The following VSIG10 variants were observed in gnomAD, a reference collection of about 807,000 sequenced individuals.
VSIG10 encodes the protein V-set and immunoglobulin domain-containing protein 10.
In VSIG10, 48 loss-of-function variants were observed where a neutral mutation model predicts 58.7. That is an observed-to-expected ratio of 0.82 (90% CI 0.65 to 1.04). VSIG10 has a LOEUF of 1.04. VSIG10 is among the 50% of genes least tolerant of loss of function. The pLI is 0.00. For missense variants in VSIG10, 628 were observed against 670.0 expected (o/e 0.94, Z 0.69); for synonymous variants, 260 against 267.1 (o/e 0.97, Z 0.26).
chr12:118,071,333 A>G (rs9669300), intron 6 of VSIG10, 26 bp downstream of exon 6: 260,720 of 1,600,238 alleles, frequency 0.16, 22,340 homozygotes, highest in East Asian at 0.26. Context: ...CTGGAAGAGA[A>G]GCTAAAGGAC....
chr12:118,068,841 A>G (rs768143550), intron 7 of VSIG10, among the ~76,000 whole-genome samples: 1 of 152,150 alleles, frequency 6.6e-6, no homozygotes, highest in Non-Finnish European at 1.5e-5. Context: ...ATATTGTCCC[A>G]GGCATCTACC....
intron 2 of VSIG10, among the ~76,000 whole-genome samples, chr12:118,092,241 T>A (rs2033320890): frequency 6.6e-6 from 1 of 152,086 alleles, no homozygotes; most frequent in South Asian, 2.1e-4. Flanking sequence ...TTTTCTAAAC[T>A]TTTTGTAGAG....
intron 2 of VSIG10, among the ~76,000 whole-genome samples, chr12:118,087,695 G>A (rs373397764): frequency 1.8e-4 from 27 of 151,872 alleles, no homozygotes; most frequent in Middle Eastern, 3.4e-3. Context: ...AAAATTAGCC[G>A]AGTGTGGTGG....
chr12:118,068,631 T>C, intron 7 of VSIG10, 34 bp from the exon 8 acceptor site: 5 of 1,494,992 alleles, frequency 3.3e-6, no homozygotes, highest in Non-Finnish European at 4.5e-6. Flanking sequence ...ATCAAGAAGA[T>C]TTCTTATTTT....
chr12:118,099,349 G>T (rs2033563180), intron 1 of VSIG10, among the ~76,000 whole-genome samples: 1 of 152,014 alleles, frequency 6.6e-6, no homozygotes, highest in Non-Finnish European at 1.5e-5. Context: ...TGTTGCCCAG[G>T]CTGGTCTTTG....
chr12:118,078,709 A>G (rs1202242031), intron 4 of VSIG10, among the ~76,000 whole-genome samples: 1 of 151,838 alleles, frequency 6.6e-6, no homozygotes, highest in Non-Finnish European at 1.5e-5. Flanking sequence ...TAGGAGGCCG[A>G]GGCAGGTAGA....
At position 118,095,502 on chromosome 12, in the gene VSIG10, T is replaced by C. The variant is rs572753204; in HGVS notation, c.361+31A>G. 1.1e-5 allele frequency: 17 copies of C among 1,612,024 alleles called. 1 individual carries two copies. In the South Asian group the frequency reaches 1.9e-4, roughly 18 times the overall value. ...TCCTTTCCAAGGCTCCGAGCACCTC[T>C]CCAGCCCCGGTCCCTGCCAGCCCCA... is the stretch of plus-strand genomic sequence containing the variant. On this transcript the variant is annotated intron_variant, in intron 2 of 8. Coordinates refer to ENST00000359236, the MANE Select transcript of VSIG10 (RefSeq NM_019086.6).
chr12:118,071,753 A>G (rs1313895560), intron 5 of VSIG10, among the ~76,000 whole-genome samples: 2 of 152,248 alleles, frequency 1.3e-5, no homozygotes, highest in Non-Finnish European at 2.9e-5. Flanking sequence ...GAGTGTTGAG[A>G]GTTATCAATG....
intron 2 of VSIG10, among the ~76,000 whole-genome samples, chr12:118,086,846 C>T (rs1418226492): frequency 6.6e-6 from 1 of 152,162 alleles, no homozygotes; most frequent in African/African-American, 2.4e-5. Context: ...CTGCAAACTC[C>T]GCTTCCTGGG....
rs530386489 is a variant in VSIG10, at chr12:118,087,054, C to T, written c.362-4625G>A. 8.0e-5 allele frequency among the ~76,000 whole-genome samples: 12 copies of T among 150,850 alleles called. No homozygotes were observed. In the East Asian group the frequency reaches 2.0e-3, roughly 25 times the overall value. On this transcript the variant is annotated intron_variant, in intron 2 of 8. Transcript: ENST00000359236. ...CTGGGATTACAGGCGTGAGCCACCA[C>T]TCCCAGCCTAAATTTAAAAATTGAA...
intron 4 of VSIG10, 81 bp downstream of exon 4, chr12:118,079,265 C>T: frequency 6.5e-7 from 1 of 1,533,862 alleles, no homozygotes; most frequent in Non-Finnish European, 8.8e-7. Flanking sequence ...ATTTCTTCCT[C>T]AGAAGAACTC....
chr12:118,099,647 T>C (rs1474830634), intron 1 of VSIG10, among the ~76,000 whole-genome samples: 1 of 152,224 alleles, frequency 6.6e-6, no homozygotes, highest in East Asian at 1.9e-4. Context: ...GAATTAGTGG[T>C]GATGGCTGTA....
intron 3 of VSIG10, 53 bp downstream of exon 3, chr12:118,082,074 G>T: frequency 2.5e-5 from 34 of 1,380,908 alleles, no homozygotes; most frequent in Non-Finnish European, 3.0e-5. Flanking sequence ...CAGTTCATAA[G>T]TTCACAAAGG....
intron 4 of VSIG10, among the ~76,000 whole-genome samples, chr12:118,078,835 A>C (rs950828675): frequency 2.7e-5 from 4 of 149,472 alleles, no homozygotes; most frequent in African/African-American, 9.8e-5. Flanking sequence ...GCTACTCAAG[A>C]GGCTAAGGCA....
chr12:118,087,814 G>C (rs1488037312), intron 2 of VSIG10, among the ~76,000 whole-genome samples: 1 of 138,994 alleles, frequency 7.2e-6, no homozygotes, highest in Non-Finnish European at 1.5e-5. Flanking sequence ...CTCCAGCCTG[G>C]GTGACAGAGT....
At chr12:118,079,911 G>C (rs1490236061) in intron 3 of VSIG10, among the ~76,000 whole-genome samples, 3 of 152,170 alleles carry the variant, frequency 2.0e-5, no homozygotes, top group Admixed American at 1.3e-4. Context: ...TCGGCTCACT[G>C]TAACCTCGAC....
Position 118,083,070 on chromosome 12 carries a change from G to A in VSIG10, c.362-641C>T, listed in dbSNP as rs570496378. 1.2e-4 allele frequency among the ~76,000 whole-genome samples: 16 copies of A among 131,016 alleles called. 1 individual carries two copies. The East Asian group carries it at 3.0e-3, about 24-fold the overall frequency. The allele number at this position is 131,016 out of a possible 152,430, so 86.0% of individuals were successfully genotyped here. A position where few individuals can be genotyped will look rare whatever the true frequency, so the allele number is the denominator to read the frequency against. On this transcript the variant is annotated intron_variant, in intron 2 of 8. Coordinates refer to ENST00000359236, the MANE Select transcript of VSIG10 (RefSeq NM_019086.6). ...GGATGTTGTAGGGAGCCGATATTGC[G>A]CCACTGCACTCCAGCCTAAGCAACA... is the stretch of plus-strand genomic sequence containing the variant.
In VSIG10 at chr12:118,066,271, A is replaced by AAAG. The variant is rs57466188; in HGVS notation, c.*367_*368insCTT. The AAAG allele has an allele frequency of 1.1e-5, 2 of 183,376 alleles. No individual in the cohort carries two copies. The highest frequency in any genetic ancestry group is 4.9e-5 in the African/African-American group (2 of 40,516). The allele number at this position is 183,376 out of a possible 1,614,324, so 11.4% of individuals were successfully genotyped here. A position where few individuals can be genotyped will look rare whatever the true frequency, so the allele number is the denominator to read the frequency against. ...AAAAAAAAAAAAAAAAAAAAAAAAA[A>AAAG]GCGGCAAAAGGCACCAAGACCCAGT... On this transcript the variant is annotated 3_prime_UTR_variant, in exon 9 of 9. Transcript: ENST00000359236.
intron 2 of VSIG10, among the ~76,000 whole-genome samples, chr12:118,092,391 A>G (rs1009020256): frequency 1.3e-5 from 2 of 152,026 alleles, no homozygotes; most frequent in Admixed American, 6.6e-5. Flanking sequence ...ACTAAACTAC[A>G]TGCCCTGAAT....
Sources: allele counts gnomAD v4.1 joint callset (sites outside exome capture counted in the v4.1 genomes callset), GRCh38; gene constraint gnomAD v4.1.1; transcripts MANE v1.5; gene names NCBI Gene and HGNC (gene_info 2026-07-23, HGNC 2026-07-21).